The following SOS1 variants were observed in gnomAD, a reference collection of about 807,000 sequenced individuals.
The protein encoded by SOS1 is SOS Ras/Rac guanine nucleotide exchange factor 1, also known as son of sevenless homolog 1.
SOS1 carries 25 observed loss-of-function variants against 157.6 expected under a neutral mutation model. The observed-to-expected ratio is 0.16, with a 90% confidence interval of 0.12 to 0.22. The LOEUF (loss-of-function observed/expected upper bound fraction) is 0.22. Ranked by LOEUF, SOS1 falls within the 10% of genes least tolerant of loss-of-function variation. SOS1 has a pLI of 1.00. For missense variants in SOS1, 1,237 were observed against 1,599.1 expected (o/e 0.77, Z 3.86); for synonymous variants, 528 against 534.0 (o/e 0.99, Z 0.16).
intron 1 of SOS1, among the ~76,000 whole-genome samples, chr2:39,090,939 G>A (rs1672570090): frequency 6.6e-6 from 1 of 152,014 alleles, no homozygotes; most frequent in Admixed American, 6.6e-5. Flanking sequence ...TGCGATTTTG[G>A]CTCACTGCAA....
Position 38,986,076 on chromosome 2 carries a change from T to G in SOS1, c.3750A>C (p.Pro1250=). The change falls in exon 23 of 23, where the codon CCA becomes CCC. Residue 1250 remains proline, a synonymous_variant. Transcript: ENST00000402219. ...KKSDHGNAFF[P]NSPSPFTPPP... is the part of the protein sequence containing the mutation. ...GTGGTGTAAAGGGGGAAGGGCTGTTTGGGAAGAAGGCATTGCCATGGTCAC... is the reference window on the plus strand; with the variant it reads ...GTGGTGTAAAGGGGGAAGGGCTGTTGGGGAAGAAGGCATTGCCATGGTCAC... 6.2e-7 allele frequency: 1 copy of G among 1,613,816 alleles called. No homozygotes were observed. The highest frequency in any genetic ancestry group is 8.5e-7 in the Non-Finnish European group (1 of 1,179,888).
At chr2:39,042,179 T>A (rs1438669856) in intron 6 of SOS1, among the ~76,000 whole-genome samples, 1 of 152,166 alleles carries the variant, frequency 6.6e-6, no homozygotes, top group Non-Finnish European at 1.5e-5. Context: ...AACAAGTACT[T>A]AAGGGGACAA....
intron 2 of SOS1, among the ~76,000 whole-genome samples, chr2:39,062,435 T>TAAAAAAAAAAAAAAAA (rs397974197): frequency 4.3e-5 from 6 of 138,454 alleles, no homozygotes; most frequent in African/African-American, 8.0e-5. Context: ...AAAAAAAAAT[T>TAAAAAAAAAAAAAAAA]AAAAAAAAAA....
intron 21 of SOS1, among the ~76,000 whole-genome samples, chr2:38,988,817 A>G (rs1668629458): frequency 6.6e-6 from 1 of 152,164 alleles, no homozygotes; most frequent in African/African-American, 2.4e-5. Flanking sequence ...AATTACAATT[A>G]TAAGAAAGTT....
At chr2:39,013,397 G>C in intron 13 of SOS1, 63 bp downstream of exon 13, 1 of 924,986 alleles carries the variant, frequency 1.1e-6, no homozygotes, top group Non-Finnish European at 1.8e-6. Flanking sequence ...GACATCAATT[G>C]ATAGTCACCG....
chr2:39,022,154 G>A (rs929020168), intron 10 of SOS1, among the ~76,000 whole-genome samples: 6 of 151,496 alleles, frequency 4.0e-5, no homozygotes, highest in East Asian at 1.9e-4. Flanking sequence ...AAGCAATGCC[G>A]TGTATATTTG....
chr2:39,046,495 C>CTTTTTTTTTTTT lies in SOS1; in HGVS notation c.864+4637_864+4648dup, dbSNP rs201639147. Among the ~76,000 whole-genome samples the CTTTTTTTTTTTT allele has an allele frequency of 1.6e-4, 20 of 124,398 alleles. 3 individuals carry two copies. The highest frequency in any genetic ancestry group is 6.3e-4 in the African/African-American group (19 of 30,270). The allele number at this position is 124,398 out of a possible 152,430, so 81.6% of individuals were successfully genotyped here. A position where few individuals can be genotyped will look rare whatever the true frequency, so the allele number is the denominator to read the frequency against. On this transcript the variant is annotated intron_variant, in intron 6 of 22. Transcript: ENST00000402219. ...TTATTTATTTATTTTGAGACAGTGT[C>CTTTTTTTTTTTT]TTTTTTTTTTTTTTTTTTTTTTTTT...
intron 7 of SOS1, 36 bp downstream of exon 7, chr2:39,035,354 C>T (rs1378299476): frequency 6.2e-7 from 1 of 1,601,476 alleles, no homozygotes; most frequent in Admixed American, 1.7e-5. Context: ...GTTTACTTTT[C>T]AGACATTGTA....
chr2:39,068,651 G>A (rs1671674934), intron 1 of SOS1, among the ~76,000 whole-genome samples: 1 of 151,830 alleles, frequency 6.6e-6, no homozygotes, highest in Non-Finnish European at 1.5e-5. Context: ...AATATTGGTG[G>A]CCTAAAAATC....
intron 10 of SOS1, among the ~76,000 whole-genome samples, chr2:39,018,498 C>T (rs1449626785): frequency 6.6e-6 from 1 of 151,628 alleles, no homozygotes; most frequent in Non-Finnish European, 1.5e-5. Flanking sequence ...TTCTGCTGAC[C>T]TTCTGTCTCT....
intron 1 of SOS1, among the ~76,000 whole-genome samples, chr2:39,110,384 T>TTTGAA (rs1033062209): frequency 9.9e-5 from 15 of 152,258 alleles, no homozygotes; most frequent in South Asian, 6.2e-4. Flanking sequence ...TCCACAGTTG[T>TTTGAA]TTGAATGCAC....
chr2:39,058,911 A>T (rs1046052264), intron 2 of SOS1, 107 bp from the exon 3 acceptor site: 19 of 842,300 alleles, frequency 2.3e-5, no homozygotes, highest in African/African-American at 3.5e-5. Flanking sequence ...AGCTTTTCAC[A>T]TGTGGTATAA....
chr2:39,101,868 C>G (rs1672978477), intron 1 of SOS1, among the ~76,000 whole-genome samples: 1 of 152,010 alleles, frequency 6.6e-6, no homozygotes, highest in African/African-American at 2.4e-5. Flanking sequence ...TTTTTTATGA[C>G]CTGCCTATGT....
chr2:39,099,744 T>TACAAACCA (rs1270638703), intron 1 of SOS1, among the ~76,000 whole-genome samples: 10 of 152,160 alleles, frequency 6.6e-5, no homozygotes, highest in African/African-American at 2.4e-4. Flanking sequence ...CATATATCTT[T>TACAAACCA]TTTTATTGTT....
chr2:39,055,521 A>G (rs1572858373), intron 4 of SOS1, among the ~76,000 whole-genome samples: 1 of 152,182 alleles, frequency 6.6e-6, no homozygotes. Flanking sequence ...AAAAGCATCA[A>G]GTATTTCGTA....
rs548537056 is a variant in SOS1 at position 39,063,826 on chromosome 2, T to C, written c.213+3802A>G. Among the ~76,000 whole-genome samples the C allele has an allele frequency of 3.3e-5, 5 of 149,982 alleles. No individual in the cohort carries two copies. The South Asian group carries it at 8.5e-4, about 25-fold the overall frequency. ...TAAAGCAAAGTGTATTCTTTAAACATTTTTTTTTTCAAACTTCTTTTTTCT... is the reference window on the plus strand; with the variant it reads ...TAAAGCAAAGTGTATTCTTTAAACACTTTTTTTTTCAAACTTCTTTTTTCT... On this transcript the variant is annotated intron_variant, in intron 2 of 22. Coordinates refer to ENST00000402219, the MANE Select transcript of SOS1 (RefSeq NM_005633.4).
intron 2 of SOS1, among the ~76,000 whole-genome samples, chr2:39,062,435 T>TAAAAAAAA (rs397974197): frequency 1.4e-3 from 192 of 138,282 alleles, no homozygotes; most frequent in Non-Finnish European, 2.0e-3. Flanking sequence ...AAAAAAAAAT[T>TAAAAAAAA]AAAAAAAAAA....
chr2:38,987,042 T>A (rs1456051731), intron 22 of SOS1, among the ~76,000 whole-genome samples: 1 of 152,130 alleles, frequency 6.6e-6, no homozygotes, highest in African/African-American at 2.4e-5. Context: ...AACCCAGAAT[T>A]TTCATGAAAA....
chr2:39,090,675 G>C (rs917760536), intron 1 of SOS1, among the ~76,000 whole-genome samples: 2 of 151,986 alleles, frequency 1.3e-5, no homozygotes, highest in Admixed American at 6.6e-5. Context: ...CAGCCTGAGC[G>C]ACAGAACGAG....
Sources: gnomAD v4.1 joint callset for allele counts (sites outside exome capture counted in the v4.1 genomes callset) on GRCh38, gnomAD v4.1.1 for gene constraint, MANE v1.5 for transcripts, NCBI Gene and HGNC (gene_info 2026-07-23, HGNC 2026-07-21) for gene names.